The following AKAP7 variants were observed in gnomAD, a reference collection of about 807,000 sequenced individuals.
AKAP7 encodes A-kinase anchoring protein 7, also known as A kinase (PRKA) anchor protein 7.
In AKAP7, 39 loss-of-function variants were observed where a neutral mutation model predicts 39.5. The ratio of observed to expected loss-of-function variants is 0.99; its 90% CI spans 0.76 to 1.29. The LOEUF (loss-of-function observed/expected upper bound fraction) is 1.29, where lower values mean the gene tolerates loss of function less well. Among genes scored for constraint, AKAP7 ranks in the 50% most tolerant of loss-of-function variants. AKAP7 has a pLI of 0.00. For synonymous variants in AKAP7, 140 were observed against 139.1 expected, an observed-to-expected ratio of 1.01 and a Z score of -0.05; for missense variants, 414 against 407.7, an observed-to-expected ratio of 1.02 and a Z score of -0.13.
At chr6:131,235,717 G>T (rs1216940604) in intron 7 of AKAP7, among the ~76,000 whole-genome samples, 2 of 152,206 alleles carry the variant, frequency 1.3e-5, no homozygotes, top group Non-Finnish European at 2.9e-5. Flanking sequence ...CTTTTGAGAA[G>T]TGCCTGTTCA....
intron 7 of AKAP7, among the ~76,000 whole-genome samples, chr6:131,271,284 T>C (rs904323363): frequency 1.4e-4 from 22 of 152,188 alleles, no homozygotes; most frequent in African/African-American, 5.1e-4. Context: ...GATATATAAT[T>C]ATTCTAGTAC....
In AKAP7 at chr6:131,282,396, T is replaced by G. The variant is rs1420136227; in HGVS notation, c.*670T>G. The G allele has an allele frequency of 1.4e-6, 2 of 1,452,134 alleles. No homozygotes were observed. The highest frequency in any genetic ancestry group is 5.0e-5 in the East Asian group (2 of 39,918). The allele number at this position is 1,452,134 out of a possible 1,614,324, so 90.0% of individuals were successfully genotyped here. A position where few individuals can be genotyped will look rare whatever the true frequency, so the allele number is the denominator to read the frequency against. ...ATGTTATTATATAATTTTTTTTTCTTAGGCAAGAAACCTATTGGAATTCGA... is the reference window on the plus strand; with the variant it reads ...ATGTTATTATATAATTTTTTTTTCTGAGGCAAGAAACCTATTGGAATTCGA... On this transcript the variant is annotated 3_prime_UTR_variant, in exon 8 of 8. Transcript: ENST00000431975.
At chr6:131,239,542 A>G (rs1384849304) in intron 7 of AKAP7, among the ~76,000 whole-genome samples, 1 of 152,190 alleles carries the variant, frequency 6.6e-6, no homozygotes, top group Non-Finnish European at 1.5e-5. Flanking sequence ...TTTCAGGTAC[A>G]CCAATCAGAC....
At chr6:131,189,349 A>T (rs1303834172) in intron 5 of AKAP7, among the ~76,000 whole-genome samples, 3 of 152,226 alleles carry the variant, frequency 2.0e-5, no homozygotes, top group Non-Finnish European at 4.4e-5. Flanking sequence ...TCCTTTTAGC[A>T]TTCTAGACTA....
In AKAP7 at chr6:131,160,218, A is replaced by G; in HGVS notation, c.291+20A>G. On this transcript the variant is annotated intron_variant, in intron 3 of 7. Transcript: ENST00000431975. Reference sequence around the variant, plus strand: ...AAAGAGGTGCTATTTTTAAAAAGTTATTTTTACTGTGAAATTTTATTCTAA... The same window carrying G: ...AAAGAGGTGCTATTTTTAAAAAGTTGTTTTTACTGTGAAATTTTATTCTAA... The G allele has an allele frequency of 1.3e-6, 2 of 1,588,536 alleles. No individual in the cohort carries two copies. Among genetic ancestry groups the G allele is most frequent in the Non-Finnish European group, 1.7e-6 (2 of 1,172,866 alleles).
intron 7 of AKAP7, among the ~76,000 whole-genome samples, chr6:131,234,951 A>G (rs1249434100): frequency 1.3e-5 from 2 of 151,940 alleles, no homozygotes; most frequent in East Asian, 3.9e-4. Flanking sequence ...ACATGTGCAC[A>G]ACGTGCAGGT....
chr6:131,191,777 C>T (rs1418846605), intron 5 of AKAP7, among the ~76,000 whole-genome samples: 1 of 151,594 alleles, frequency 6.6e-6, no homozygotes, highest in African/African-American at 2.4e-5. Flanking sequence ...TCCACCAGCA[C>T]TTTGGACAGT....
At chr6:131,199,155 C>T (rs754876040) in intron 5 of AKAP7, among the ~76,000 whole-genome samples, 2 of 152,150 alleles carry the variant, frequency 1.3e-5, no homozygotes, top group Non-Finnish European at 2.9e-5. Context: ...CTGGAATGTT[C>T]TGTGAAAATC....
intron 7 of AKAP7, among the ~76,000 whole-genome samples, chr6:131,245,000 TA>T (rs907158846): frequency 6.6e-6 from 1 of 151,952 alleles, no homozygotes; most frequent in Non-Finnish European, 1.5e-5. Context: ...AGTAATGGTT[TA>T]AAAAAAAGAT....
At chr6:131,198,984 G>A (rs1190791) in intron 5 of AKAP7, among the ~76,000 whole-genome samples, 3 of 152,134 alleles carry the variant, frequency 2.0e-5, no homozygotes, top group African/African-American at 7.2e-5. Context: ...CCTTACACAA[G>A]ACCTTGGGCA....
chr6:131,242,191 A>AT lies in AKAP7; in HGVS notation c.850+22387dup, dbSNP rs1811678745. ...TACTAGAGTAATGATTCAGGTGAGT[A>AT]TTTTATCTTGATTCTGGCTATGAGT... On this transcript the variant is annotated intron_variant, in intron 7 of 7. Transcript: ENST00000431975. 23 of 984,458 alleles carry AT rather than the reference A, an allele frequency of 2.3e-5. No individual in the cohort carries two copies. The South Asian group carries it at 7.5e-4, about 32-fold the overall frequency. The allele number at this position is 984,458 out of a possible 1,614,324, so 61.0% of individuals were successfully genotyped here. A position where few individuals can be genotyped will look rare whatever the true frequency, so the allele number is the denominator to read the frequency against.
rs879239910 is a variant in AKAP7 at position 131,250,205 on chromosome 6, T to G, written c.850+30397T>G. ...GAGAAAGGGCTCATTGTGGTTTTTCTCGACTACCTTTCTTAAAGACATATG... is the reference window on the plus strand; with the variant it reads ...GAGAAAGGGCTCATTGTGGTTTTTCGCGACTACCTTTCTTAAAGACATATG... On this transcript the variant is annotated intron_variant, in intron 7 of 7. Coordinates refer to ENST00000431975, the MANE Select transcript of AKAP7 (RefSeq NM_016377.4). 6 of 1,006,220 alleles carry G rather than the reference T, an allele frequency of 6.0e-6. No individual in the cohort carries two copies. The South Asian group carries it at 2.7e-4, about 46-fold the overall frequency. 62.3% of individuals were successfully genotyped at this position (1,006,220 alleles called of 1,614,324 possible).
intron 2 of AKAP7, among the ~76,000 whole-genome samples, chr6:131,149,084 GT>G (rs1371614618): frequency 3.3e-5 from 5 of 152,206 alleles, no homozygotes; most frequent in Non-Finnish European, 7.3e-5. Context: ...CCTTGAAACG[GT>G]TAGTGTCTCT....
At chr6:131,181,894 C>T (rs557995998) in intron 5 of AKAP7, among the ~76,000 whole-genome samples, 114 of 152,178 alleles carry the variant, frequency 7.5e-4, no homozygotes, top group Admixed American at 2.4e-3. Flanking sequence ...AAGGCTGAGG[C>T]GGGTAGATCA....
At chr6:131,238,288 T>C (rs1368776620) in intron 7 of AKAP7, among the ~76,000 whole-genome samples, 1 of 152,240 alleles carries the variant, frequency 6.6e-6, no homozygotes. Flanking sequence ...TTATAATTTC[T>C]GTTCTTTTAC....
intron 7 of AKAP7, chr6:131,253,150 CT>C (rs1562245557): frequency 1.9e-6 from 3 of 1,561,610 alleles, no homozygotes; most frequent in South Asian, 2.3e-5. Context: ...CTATTTTATC[CT>C]GCTTTTGCCG....
intron 5 of AKAP7, among the ~76,000 whole-genome samples, chr6:131,174,023 T>C (rs1236944647): frequency 1.3e-5 from 2 of 152,246 alleles, no homozygotes; most frequent in Non-Finnish European, 2.9e-5. Context: ...TTGTTACTGC[T>C]CCTGTAATTC....
In AKAP7 at chr6:131,281,652, C is replaced by A. The variant is rs369631979; in HGVS notation, c.973C>A (p.Pro325Thr). Residue 325 changes from proline (P) to threonine (T), a missense_variant, in exon 8 of 8, where the codon CCG becomes ACG. By Grantham distance (38) the Pro-to-Thr change is conservative (BLOSUM62 -1). Coordinates refer to ENST00000431975, the MANE Select transcript of AKAP7 (RefSeq NM_016377.4). This position sits in a 1 kb window ranked among gnomAD's most constrained non-coding sequence, Gnocchi z 4.0. The stretch of plus-strand genomic sequence containing the variant: ...GGAGGAAACACAGAATAAAAACAAG[C>A]CGGGGGAGGGGAGCTCTGTGAAAAC... ...YLEETQNKNKPGEGSSVKTEA... is the reference protein window; with the variant it reads ...YLEETQNKNKTGEGSSVKTEA... 1.2e-6 allele frequency: 2 copies of A among 1,613,342 alleles called. No homozygotes were observed. Among genetic ancestry groups the A allele is most frequent in the Non-Finnish European group, 1.7e-6 (2 of 1,179,700 alleles).
At chr6:131,194,506 C>G (rs1404162713) in intron 5 of AKAP7, among the ~76,000 whole-genome samples, 2 of 152,014 alleles carry the variant, frequency 1.3e-5, no homozygotes, top group Non-Finnish European at 2.9e-5. Context: ...TATTCTGCAG[C>G]CATTGGATGA....
Sources: allele counts gnomAD v4.1 joint callset (sites outside exome capture counted in the v4.1 genomes callset), GRCh38; gene constraint gnomAD v4.1.1; non-coding constraint Gnocchi (gnomAD v3.1); transcripts MANE v1.5; gene names NCBI Gene and HGNC (gene_info 2026-07-23, HGNC 2026-07-21).